The following DNAH5 variants were observed in gnomAD, a reference collection of about 807,000 sequenced individuals.
The protein encoded by DNAH5 is dynein axonemal heavy chain 5.
DNAH5 carries 372 observed loss-of-function variants against 518.2 expected under a neutral mutation model. The ratio of observed to expected loss-of-function variants is 0.72; its 90% confidence interval spans 0.66 to 0.78. DNAH5 has a LOEUF of 0.78. DNAH5 is among the 30% of genes least tolerant of loss of function. The pLI, the probability that DNAH5 is intolerant of heterozygous loss-of-function variation, is 0.00. For missense variants in DNAH5, 5,523 were observed against 5,687.0 expected (o/e 0.97, Z 0.93); for synonymous variants, 2,039 against 2,025.9 (o/e 1.01, Z -0.17).
intron 12 of DNAH5, among the ~76,000 whole-genome samples, chr5:13,908,302 T>C (rs188338119): frequency 6.6e-6 from 1 of 152,278 alleles, no homozygotes; most frequent in East Asian, 1.9e-4. Context: ...ACATCTACAT[T>C]TTTTCACTAC....
intron 54 of DNAH5, 54 bp from the exon 55 acceptor site, chr5:13,776,760 A>C: frequency 2.5e-5 from 39 of 1,578,082 alleles, no homozygotes; most frequent in Non-Finnish European, 3.0e-5. Context: ...AAAATAGATC[A>C]AAATGTAGAG....
rs1351673465 is a variant in DNAH5 at position 13,736,318 on chromosome 5, C to T, written c.11456-386G>A. 2.0e-5 allele frequency among the ~76,000 whole-genome samples: 3 copies of T among 152,150 alleles called. 1 individual carries two copies. In the East Asian group the frequency reaches 5.8e-4, roughly 29 times the overall value. ...GTTCCAGGGAGAAGCCATGCCTAAC[C>T]TGGGCTTCAAGTCTGCAAAACAAGC... On this transcript the variant is annotated intron_variant, in intron 66 of 78. Transcript: ENST00000265104.
At position 13,840,955 on chromosome 5, in the gene DNAH5, T is replaced by C. The variant is rs753473700; in HGVS notation, c.5660A>G (p.Glu1887Gly). 2.6e-5 allele frequency: 42 copies of C among 1,614,050 alleles called. No homozygotes were observed. Among genetic ancestry groups the C allele is most frequent in the Non-Finnish European group, 3.6e-5 (42 of 1,180,002 alleles). The change falls in exon 34 of 79, where the codon GAG (glutamate) becomes GGG (glycine). Residue 1887 changes from glutamate (E) to glycine (G), a missense_variant. This residue lies in a region of DNAH5 where 5,121 missense variants were observed against 5,223.3 expected (regional missense o/e 0.98). Coordinates refer to ENST00000265104, the MANE Select transcript of DNAH5 (RefSeq NM_001369.3). ...DLSSTERVKY[E>G]TLITIHVHQR... ...GTGCACATGAATAGTAATCAGAGTC[T>C]CGTATTTCACTCGTTCCGTGGAACT...
rs373633937 is a variant in DNAH5, at chr5:13,919,365, G to A, written c.799-13C>T. The A allele has an allele frequency of 3.0e-5, 48 of 1,612,832 alleles. No individual in the cohort carries two copies. The highest frequency in any genetic ancestry group is 3.7e-5 in the Non-Finnish European group (44 of 1,179,634). ...TTTCAGCAAGAACCTGCAAATGCGC[G>A]GGGAAAAACACGAGCCATTGCACGG... On this transcript the variant is annotated splice_polypyrimidine_tract_variant and intron_variant, in intron 6 of 78. Transcript: ENST00000265104.
rs755726563 is a variant in DNAH5 at position 13,811,733 on chromosome 5, G to C, written c.7321C>G (p.Gln2441Glu). ...ACCTCCATCTTGTATTCTAAGTTCT[G>C]GATACAGAAGCGATACAAGTCTGGG... is the stretch of plus-strand genomic sequence containing the variant. ...SFPDLYRFCI[Q>E]NLEYKMEVLE... The change falls in exon 44 of 79, where the codon CAG (glutamine) becomes GAG (glutamate). Residue 2441 changes from glutamine (Q) to glutamate (E), a missense_variant. Transcript: ENST00000265104. 1 of 1,614,106 alleles carries C rather than the reference G, an allele frequency of 6.2e-7. No individual in the cohort carries two copies. The highest frequency in any genetic ancestry group is 8.5e-7 in the Non-Finnish European group (1 of 1,179,998).
At chr5:13,973,732 A>G (rs1453453977) in intron 1 of DNAH5, among the ~76,000 whole-genome samples, 1 of 151,036 alleles carries the variant, frequency 6.6e-6, no homozygotes, top group East Asian at 1.9e-4. Context: ...AAAAAAAAAA[A>G]AAAAACAAAA....
At chr5:13,723,696 A>G (rs1745354795) in intron 70 of DNAH5, among the ~76,000 whole-genome samples, 1 of 152,254 alleles carries the variant, frequency 6.6e-6, no homozygotes, top group African/African-American at 2.4e-5. Flanking sequence ...CTGAAATGTG[A>G]AAGTTATACA....
intron 78 of DNAH5, among the ~76,000 whole-genome samples, chr5:13,700,185 C>G (rs1337356199): frequency 6.6e-6 from 1 of 152,200 alleles, no homozygotes. Context: ...CAGCCTTCAA[C>G]TGAGCCCTGT....
At chr5:13,795,149 G>A (rs1757631001) in intron 47 of DNAH5, among the ~76,000 whole-genome samples, 1 of 151,996 alleles carries the variant, frequency 6.6e-6, no homozygotes, top group Admixed American at 6.6e-5. Flanking sequence ...AACTAGAAAA[G>A]CAAGAGCAAA....
At chr5:13,794,892 G>A (rs977403380) in intron 47 of DNAH5, among the ~76,000 whole-genome samples, 11 of 152,186 alleles carry the variant, frequency 7.2e-5, no homozygotes, top group African/African-American at 1.4e-4. Flanking sequence ...GTGTGAACCC[G>A]GGAGGCAGAG....
In DNAH5 at chr5:13,769,122, C is replaced by T. The variant is rs752312859; in HGVS notation, c.9735G>A (p.Val3245=). The T allele has an allele frequency of 6.2e-7, 1 of 1,614,140 alleles. No individual in the cohort carries two copies. Among genetic ancestry groups the T allele is most frequent in the South Asian group, 1.1e-5 (1 of 91,084 alleles). ...NDKADMVLKE[V]TMKAQAAEKV... is the part of the protein sequence containing the mutation. The stretch of plus-strand genomic sequence containing the variant: ...TTTCAGCAGCCTGTGCTTTCATTGT[C>T]ACTTCTTTTAAGACCTAATTCAATA... Residue 3245 remains valine (V), a synonymous_variant, in exon 58 of 79, where the codon GTG becomes GTA. Coordinates refer to ENST00000265104, the MANE Select transcript of DNAH5 (RefSeq NM_001369.3).
At chr5:13,995,734 T>C (rs145592794) in intron 1 of DNAH5, among the ~76,000 whole-genome samples, 164 of 152,312 alleles carry the variant, frequency 1.1e-3, no homozygotes, top group African/African-American at 3.8e-3. Context: ...TATAGATATA[T>C]AGGTGTGTTT....
At chr5:13,870,473 A>C (rs795509) in intron 24 of DNAH5, among the ~76,000 whole-genome samples, 4 of 152,204 alleles carry the variant, frequency 2.6e-5, no homozygotes, top group Admixed American at 2.6e-4. Context: ...TAGCTGATTG[A>C]CTTCCTTTCC....
At chr5:13,865,398 A>G (rs567297882) in intron 27 of DNAH5, among the ~76,000 whole-genome samples, 3 of 152,188 alleles carry the variant, frequency 2.0e-5, no homozygotes, top group Non-Finnish European at 4.4e-5. Context: ...AATGTTTCAT[A>G]AGTGTAATAT....
rs536257181 is a variant in DNAH5 at position 13,806,921 on chromosome 5, T to C, written c.7887+670A>G. ...TTTTATACCTTGTTGCAATTGAGCA[T>C]GGGAGCTAGGGTGGAATGTTAAGTC... On this transcript the variant is annotated intron_variant, in intron 47 of 78. Transcript: ENST00000265104. 4.6e-5 allele frequency among the ~76,000 whole-genome samples: 7 copies of C among 152,268 alleles called. No homozygotes were observed. The South Asian group carries it at 1.2e-3, about 27-fold the overall frequency.
chr5:13,736,657 C>T (rs1458099993), intron 66 of DNAH5, among the ~76,000 whole-genome samples: 1 of 152,094 alleles, frequency 6.6e-6, no homozygotes, highest in Non-Finnish European at 1.5e-5. Flanking sequence ...ACACTCCTGA[C>T]CTCAGATGAT....
In DNAH5 at chr5:13,743,655, G is replaced by A. The variant is rs116184240; in HGVS notation, c.11212-6160C>T. Among the ~76,000 whole-genome samples the A allele has an allele frequency of 5.3e-3, 798 of 151,992 alleles. 6 individuals carry two copies. Among genetic ancestry groups the A allele is most frequent in the African/African-American group, 0.018 (759 of 41,514 alleles). On this transcript the variant is annotated intron_variant, in intron 65 of 78. Transcript: ENST00000265104. ...CAATTAAAAAATGGGCAAATTATCT[G>A]AACAGACATGTCTCAAAAGACATAA...
At position 13,982,640 on chromosome 5, in the gene DNAH5, A is replaced by ATGAGTAGACATATGCACTATTGCATGAG. The variant is rs1561041359; in HGVS notation, c.12+28980_12+29007dup. Among the ~76,000 whole-genome samples, 2 of 35,690 alleles carry ATGAGTAGACATATGCACTATTGCATGAG rather than the reference A, an allele frequency of 5.6e-5. 1 individual carries two copies. The highest frequency in any genetic ancestry group is 1.2e-4 in the Non-Finnish European group (2 of 16,506). 23.4% of individuals were successfully genotyped at this position (35,690 alleles called of 152,430 possible). On this transcript the variant is annotated intron_variant, in intron 1 of 78. Transcript: ENST00000681290. ...AGTAGACATATGCACTATTGCATGA[A>ATGAGTAGACATATGCACTATTGCATGAG]TGAGTAGACATATGCACTATTGCAT...
At chr5:13,759,372 T>C (rs944705760) in intron 60 of DNAH5, among the ~76,000 whole-genome samples, 1 of 152,244 alleles carries the variant, frequency 6.6e-6, no homozygotes, top group African/African-American at 2.4e-5. Flanking sequence ...CAGGCCATAG[T>C]CTACCTAGAT....
Sources: gnomAD v4.1 joint callset for allele counts (sites outside exome capture counted in the v4.1 genomes callset) on GRCh38, gnomAD v4.1.1 for gene constraint, gnomAD v4.1.1 regional missense constraint, MANE v1.5 for transcripts, NCBI Gene and HGNC (gene_info 2026-07-23, HGNC 2026-07-21) for gene names.